PDS5B: variants seen among roughly 807,000 people sequenced by gnomAD.
The protein encoded by PDS5B is PDS5 cohesin associated factor B, also known as sister chromatid cohesion protein PDS5 homolog B.
Under a neutral mutation model 184.1 loss-of-function variants are expected in PDS5B, and 51 were observed. The observed-to-expected ratio is 0.28, with a 90% CI of 0.22 to 0.35. The LOEUF is 0.35. Ranked by LOEUF, PDS5B falls within the 10% of genes least tolerant of loss-of-function variation. The pLI is 1.00. For synonymous variants in PDS5B, 566 were observed against 569.2 expected (o/e 0.99, Z 0.08); for missense variants, 1,180 against 1,723.3 (o/e 0.68, Z 5.58).
At chr13:32,668,654 T>A (rs956045595) in intron 7 of PDS5B, among the ~76,000 whole-genome samples, 2 of 152,150 alleles carry the variant, frequency 1.3e-5, no homozygotes, top group Non-Finnish European at 2.9e-5. Flanking sequence ...CCACCTGCTT[T>A]TCAGTTTCAC....
chr13:32,626,988 G>T lies in PDS5B; in HGVS notation c.-19-21766G>T, dbSNP rs2058379997. Among the ~76,000 whole-genome samples the T allele has an allele frequency of 2.0e-5, 3 of 150,984 alleles. No homozygotes were observed. In the South Asian group the frequency reaches 6.3e-4, roughly 32 times the overall value. On this transcript the variant is annotated intron_variant, in intron 1 of 34. Transcript: ENST00000315596. Reference sequence around the variant, plus strand: ...TTGAACACTGCCACCTTTGTTTCCTGTTTTCCACTGATTTCTATCTAGCAC... The same window carrying T: ...TTGAACACTGCCACCTTTGTTTCCTTTTTTCCACTGATTTCTATCTAGCAC...
At position 32,773,276 on chromosome 13, in the gene PDS5B, T is replaced by G; in HGVS notation, c.4260T>G (p.Asp1420Glu). 1 of 1,612,726 alleles carries G rather than the reference T, an allele frequency of 6.2e-7. No homozygotes were observed. Among genetic ancestry groups the G allele is most frequent in the Non-Finnish European group, 8.5e-7 (1 of 1,179,034 alleles). Residue 1420 changes from aspartate (D) to glutamate (E), a missense_variant, in exon 34 of 35, where the codon GAT (aspartate) becomes GAG (glutamate). By Grantham distance (45) the Asp-to-Glu change is conservative. Coordinates refer to ENST00000315596, the MANE Select transcript of PDS5B (RefSeq NM_015032.4). Reference sequence around the variant, plus strand: ...TGTTTCAGGGTAGCTCTCCTGTCGATGATATTCCACAGGAAGAAACAGAGG... The same window carrying G: ...TGTTTCAGGGTAGCTCTCCTGTCGAGGATATTCCACAGGAAGAAACAGAGG... Reference protein sequence around the residue: ...VDVFQGSSPVDDIPQEETEEE... With the variant: ...VDVFQGSSPVEDIPQEETEEE...
chr13:32,631,379 C>T (rs2058453144), intron 1 of PDS5B, among the ~76,000 whole-genome samples: 1 of 152,164 alleles, frequency 6.6e-6, no homozygotes, highest in Non-Finnish European at 1.5e-5. Flanking sequence ...AGGCGTGAGC[C>T]GTGGCGCTCG....
chr13:32,593,604 G>A (rs540126258), intron 1 of PDS5B, among the ~76,000 whole-genome samples: 5 of 152,330 alleles, frequency 3.3e-5, no homozygotes, highest in South Asian at 2.1e-4. Context: ...GCCTCCCAAA[G>A]TGCTGGGATT....
At position 32,758,126 on chromosome 13, in the gene PDS5B, T is replaced by C; in HGVS notation, c.3096T>C (p.Asn1032=). The C allele has an allele frequency of 1.3e-6, 2 of 1,527,816 alleles. No individual in the cohort carries two copies. Among genetic ancestry groups the C allele is most frequent in the Non-Finnish European group, 1.8e-6 (2 of 1,124,858 alleles). The allele number at this position is 1,527,816 out of a possible 1,614,324, so 94.6% of individuals were successfully genotyped here. Residue 1032 remains asparagine, a synonymous_variant, in exon 27 of 35, where the codon AAT becomes AAC. Coordinates refer to ENST00000315596, the MANE Select transcript of PDS5B (RefSeq NM_015032.4). ...TTCTGGAAATATTAATGGCTAAAAA[T>C]GAAAATAACAGTCACGCTTTTATCA... ...WFVLEILMAK[N]ENNSHAFIRK...
At chr13:32,668,724 C>G (rs1437119290) in intron 7 of PDS5B, among the ~76,000 whole-genome samples, 1 of 152,082 alleles carries the variant, frequency 6.6e-6, no homozygotes, top group Non-Finnish European at 1.5e-5. Flanking sequence ...AGAAAGAAAG[C>G]CTTTAATAAT....
At chr13:32,657,007 A>G (rs1950531174) in intron 3 of PDS5B, among the ~76,000 whole-genome samples, 1 of 152,226 alleles carries the variant, frequency 6.6e-6, no homozygotes, top group Non-Finnish European at 1.5e-5. Flanking sequence ...TTATGTGGTC[A>G]GTTTTAGAGT....
intron 1 of PDS5B, among the ~76,000 whole-genome samples, chr13:32,628,527 G>A (rs1416601914): frequency 3.4e-5 from 5 of 147,972 alleles, no homozygotes; most frequent in Non-Finnish European, 5.9e-5. Flanking sequence ...CAGTCTGGGC[G>A]ACACAGAGAG....
At chr13:32,640,029 T>A (rs2058630736) in intron 1 of PDS5B, among the ~76,000 whole-genome samples, 2 of 152,240 alleles carry the variant, frequency 1.3e-5, no homozygotes, top group African/African-American at 4.8e-5. Flanking sequence ...GTCAGTACTT[T>A]GTTTTCCTTT....
At chr13:32,665,588 C>CAAAAAAAAAAAAA (rs34604938) in intron 6 of PDS5B, among the ~76,000 whole-genome samples, 2 of 25,884 alleles carry the variant, frequency 7.7e-5, no homozygotes, top group Non-Finnish European at 1.3e-4. Context: ...GACTCCGACT[C>CAAAAAAAAAAAAA]AAAAAAAAAA....
chr13:32,666,791 A>G (rs1338563609), intron 6 of PDS5B, among the ~76,000 whole-genome samples: 3 of 152,196 alleles, frequency 2.0e-5, no homozygotes, highest in East Asian at 1.9e-4. Context: ...TAACTTCATC[A>G]TAAGTCAAGA....
chr13:32,663,367 T>C (rs1950701782), intron 6 of PDS5B, among the ~76,000 whole-genome samples: 1 of 150,632 alleles, frequency 6.6e-6, no homozygotes, highest in East Asian at 1.9e-4. Flanking sequence ...CAATATAAAA[T>C]AGTAATTTCC....
intron 1 of PDS5B, among the ~76,000 whole-genome samples, chr13:32,616,677 T>C (rs2058224899): frequency 6.6e-6 from 1 of 152,162 alleles, no homozygotes; most frequent in Non-Finnish European, 1.5e-5. Flanking sequence ...GCTGAAGCCT[T>C]CTCTACCTTG....
chr13:32,709,202 G>A (rs1399786627), intron 18 of PDS5B, among the ~76,000 whole-genome samples: 1 of 151,222 alleles, frequency 6.6e-6, no homozygotes, highest in Non-Finnish European at 1.5e-5. Context: ...GATTCCTTTT[G>A]TTTATTTTAT....
At chr13:32,628,499 G>T (rs2058403286) in intron 1 of PDS5B, among the ~76,000 whole-genome samples, 1 of 150,256 alleles carries the variant, frequency 6.7e-6, no homozygotes, top group Non-Finnish European at 1.5e-5. Context: ...AGTGAGCCGA[G>T]ATCGTGCCAC....
chr13:32,639,961 A>T (rs1227277162), intron 1 of PDS5B, among the ~76,000 whole-genome samples: 1 of 152,204 alleles, frequency 6.6e-6, no homozygotes, highest in Admixed American at 6.5e-5. Context: ...GTTGATTTGG[A>T]TGCCTAAATC....
chr13:32,620,365 A>G (rs903055202), intron 1 of PDS5B, among the ~76,000 whole-genome samples: 2 of 152,126 alleles, frequency 1.3e-5, no homozygotes, highest in Non-Finnish European at 2.9e-5. Context: ...GGTAACTGTT[A>G]AAAAGTGGTA....
intron 1 of PDS5B, among the ~76,000 whole-genome samples, chr13:32,635,001 C>CTTTTT (rs4057820): frequency 7.7e-6 from 1 of 129,114 alleles, no homozygotes; most frequent in East Asian, 2.2e-4. Context: ...CTTACTGCCT[C>CTTTTT]TTTTTTTTTT....
At chr13:32,716,632 C>T (rs372390216) in intron 19 of PDS5B, among the ~76,000 whole-genome samples, 9,061 of 140,272 alleles carry the variant, frequency 0.065, 731 homozygotes, top group Admixed American at 0.17. Context: ...GTCAGCCCCC[C>T]GCCCGGCCAG....
Sources: gnomAD v4.1 joint callset for allele counts (sites outside exome capture counted in the v4.1 genomes callset) on GRCh38, gnomAD v4.1.1 for gene constraint, MANE v1.5 for transcripts, NCBI Gene and HGNC (gene_info 2026-07-23, HGNC 2026-07-21) for gene names.